Variants in GABRG3 observed in about 807,000 individuals in gnomAD.
The protein encoded by GABRG3 is gamma-aminobutyric acid type A receptor subunit gamma3.
A neutral mutation model predicts 48.8 loss-of-function variants in GABRG3; 25 were observed. The ratio of observed to expected loss-of-function variants is 0.51; its 90% CI spans 0.37 to 0.72. GABRG3 has a LOEUF of 0.72. Ranked by LOEUF, GABRG3 falls within the 30% of genes least tolerant of loss-of-function variation. The probability of loss-of-function intolerance (pLI) is 0.00; values close to 1 mark genes in which losing one functional copy is unlikely to be tolerated. For synonymous variants in GABRG3, 227 were observed against 217.6 expected (o/e 1.04, Z -0.38); for missense variants, 394 against 577.9 (o/e 0.68, Z 3.26).
At chr15:27,230,745 A>G (rs940111427) in intron 3 of GABRG3, among the ~76,000 whole-genome samples, 1 of 152,150 alleles carries the variant, frequency 6.6e-6, no homozygotes, top group African/African-American at 2.4e-5. Context: ...ATTGTGATCT[A>G]CTTATTTATT....
chr15:27,024,217 T>C (rs765198330), intron 2 of GABRG3, among the ~76,000 whole-genome samples: 53 of 152,252 alleles, frequency 3.5e-4, no homozygotes, highest in Non-Finnish European at 6.0e-4. Flanking sequence ...TAACCACTTA[T>C]CAGAGATACA....
At chr15:27,453,445 T>C (rs1178328280) in intron 5 of GABRG3, among the ~76,000 whole-genome samples, 1 of 152,212 alleles carries the variant, frequency 6.6e-6, no homozygotes. Context: ...TAGAAGAATA[T>C]GAAAATACAT....
chr15:27,459,056 C>T (rs1326788997), intron 5 of GABRG3, among the ~76,000 whole-genome samples: 1 of 152,066 alleles, frequency 6.6e-6, no homozygotes, highest in Non-Finnish European at 1.5e-5. Flanking sequence ...CTTCTCTCTC[C>T]ACCTTTCCCC....
In GABRG3 at chr15:27,220,023, C is replaced by T. The variant is rs185927540; in HGVS notation, c.271-106786C>T. Among the ~76,000 whole-genome samples the T allele has an allele frequency of 3.6e-3, 547 of 152,282 alleles. 3 individuals are homozygous for T. Among genetic ancestry groups the T allele is most frequent in the African/African-American group, 0.013 (523 of 41,546 alleles). On this transcript the variant is annotated intron_variant, in intron 3 of 9. Coordinates refer to ENST00000615808, the MANE Select transcript of GABRG3 (RefSeq NM_033223.5). The stretch of plus-strand genomic sequence containing the variant: ...CCCAGCATGCAGACAAGACCAAATA[C>T]TGTCACTGGGATTCGCAGCAAGAGA...
chr15:27,247,201 A>G (rs1046683774), intron 3 of GABRG3, among the ~76,000 whole-genome samples: 2 of 151,998 alleles, frequency 1.3e-5, no homozygotes, highest in African/African-American at 2.4e-5. Context: ...TGGCCTCCCA[A>G]AGTGCTGAGA....
intron 5 of GABRG3, among the ~76,000 whole-genome samples, chr15:27,438,008 G>C (rs968217958): frequency 1.5e-4 from 23 of 152,128 alleles, no homozygotes; most frequent in African/African-American, 5.6e-4. Flanking sequence ...ATTCATGAGG[G>C]ATCCATCCCA....
chr15:27,182,307 A>AGGTTGTTATTCGAATGTGTACGGTATTT (rs1887957004), intron 3 of GABRG3, among the ~76,000 whole-genome samples: 2 of 152,136 alleles, frequency 1.3e-5, no homozygotes, highest in South Asian at 4.1e-4. Flanking sequence ...TCGTCGTGTT[A>AGGTTGTTATTCGAATGTGTACGGTATTT]GGTTGTTATT....
At chr15:27,367,890 G>A (rs1439182633) in intron 5 of GABRG3, among the ~76,000 whole-genome samples, 1 of 152,148 alleles carries the variant, frequency 6.6e-6, no homozygotes, top group Non-Finnish European at 1.5e-5. Context: ...GATAAGGTGT[G>A]TTTTCACAGA....
intron 3 of GABRG3, among the ~76,000 whole-genome samples, chr15:27,284,259 T>C (rs1891535159): frequency 2.0e-5 from 3 of 152,344 alleles, no homozygotes; most frequent in Non-Finnish European, 2.9e-5. Context: ...CTTTATTTGA[T>C]GTTACGAATC....
intron 3 of GABRG3, among the ~76,000 whole-genome samples, chr15:27,061,537 G>C (rs1200724362): frequency 6.7e-6 from 1 of 149,730 alleles, no homozygotes; most frequent in East Asian, 2.0e-4. Context: ...TCCAGATTAT[G>C]ATTTAAACTG....
intron 5 of GABRG3, among the ~76,000 whole-genome samples, chr15:27,381,023 C>G (rs1381097117): frequency 2.6e-5 from 4 of 152,098 alleles, no homozygotes. Context: ...CCTCGGCCTC[C>G]CAAAGTGCTA....
chr15:27,038,853 A>G (rs1054880885), intron 3 of GABRG3, among the ~76,000 whole-genome samples: 1 of 152,200 alleles, frequency 6.6e-6, no homozygotes, highest in African/African-American at 2.4e-5. Context: ...ACTGTCAGGA[A>G]GAAACTGATC....
intron 6 of GABRG3, among the ~76,000 whole-genome samples, chr15:27,506,642 G>A (rs1482503332): frequency 6.6e-6 from 1 of 152,196 alleles, no homozygotes; most frequent in East Asian, 1.9e-4. Flanking sequence ...AGAGAATGCA[G>A]TAATATCATG....
At chr15:27,098,454 A>G (rs138328776) in intron 3 of GABRG3, among the ~76,000 whole-genome samples, 2,481 of 152,300 alleles carry the variant, frequency 0.016, 37 homozygotes, top group Admixed American at 0.052. Context: ...AACAACAAAA[A>G]TACACAAAAA....
chr15:27,020,781 T>C (rs563484171), intron 2 of GABRG3, among the ~76,000 whole-genome samples: 8 of 152,304 alleles, frequency 5.3e-5, no homozygotes, highest in African/African-American at 1.9e-4. Flanking sequence ...TCTCGCGATG[T>C]CACTCTCTAC....
chr15:27,442,939 A>T (rs983863949), intron 5 of GABRG3, among the ~76,000 whole-genome samples: 53 of 152,194 alleles, frequency 3.5e-4, no homozygotes, highest in African/African-American at 1.3e-3. Context: ...TCTGTGTGCC[A>T]TCAGAGCGGG....
At chr15:27,038,640 G>C (rs1194090264) in intron 3 of GABRG3, among the ~76,000 whole-genome samples, 3 of 152,222 alleles carry the variant, frequency 2.0e-5, no homozygotes, top group Non-Finnish European at 2.9e-5. Flanking sequence ...TTCCCACTTT[G>C]TGAATGACCT....
chr15:26,971,651 G>A, intron 1 of GABRG3, 63 bp downstream of exon 1: 1 of 1,493,202 alleles, frequency 6.7e-7, no homozygotes, highest in Non-Finnish European at 8.9e-7. Flanking sequence ...GGCGGGGGGC[G>A]CTGTCTGCTG....
chr15:27,301,547 T>G (rs1420344958), intron 3 of GABRG3, among the ~76,000 whole-genome samples: 2 of 152,140 alleles, frequency 1.3e-5, no homozygotes, highest in Non-Finnish European at 2.9e-5. Flanking sequence ...TTAGAAATAC[T>G]GGTGCTTGAG....
Sources: gnomAD v4.1 joint callset for allele counts (sites outside exome capture counted in the v4.1 genomes callset) on GRCh38, gnomAD v4.1.1 for gene constraint, MANE v1.5 for transcripts, NCBI Gene and HGNC (gene_info 2026-07-23, HGNC 2026-07-21) for gene names.